PEPD: variants seen among roughly 807,000 people sequenced by gnomAD.
PEPD encodes peptidase D.
In PEPD, 53 loss-of-function variants were observed where a neutral mutation model predicts 60.7. The ratio of observed to expected loss-of-function variants is 0.87; its 90% confidence interval spans 0.70 to 1.10. The LOEUF (loss-of-function observed/expected upper bound fraction) is 1.10, where lower values mean the gene tolerates loss of function less well. Ranked by LOEUF, PEPD falls within the 50% of genes least tolerant of loss-of-function variation. PEPD has a pLI of 0.00. For missense variants in PEPD, 711 were observed against 711.9 expected, an observed-to-expected ratio of 1.00 and a Z score of 0.01; for synonymous variants, 267 against 284.1, an observed-to-expected ratio of 0.94 and a Z score of 0.60.
intron 1 of PEPD, among the ~76,000 whole-genome samples, chr19:33,519,370 C>T (rs1971087274): frequency 1.3e-5 from 2 of 152,214 alleles, no homozygotes; most frequent in Non-Finnish European, 2.9e-5. Context: ...ACCCCAGTCA[C>T]CTGGAACTCT....
Position 33,391,613 on chromosome 19 carries a change from T to TA in PEPD, c.968-135dup, listed in dbSNP as rs1968224033. The TA allele has an allele frequency of 3.6e-6, 3 of 822,300 alleles. No individual in the cohort carries two copies. In the Admixed American group the frequency reaches 6.1e-5, roughly 17 times the overall value. The allele number at this position is 822,300 out of a possible 1,614,324, so 50.9% of individuals were successfully genotyped here. A position where few individuals can be genotyped will look rare whatever the true frequency, so the allele number is the denominator to read the frequency against. On this transcript the variant is annotated intron_variant, in intron 12 of 14. Coordinates refer to ENST00000244137, the MANE Select transcript of PEPD (RefSeq NM_000285.4). ...GAGGTGGGGGGTGAGGGGGCAAGGG[T>TA]ACTACATCGGGGGCCCAGGGGGACA...
chr19:33,491,451 G>A (rs918410143), intron 5 of PEPD, among the ~76,000 whole-genome samples: 7 of 152,140 alleles, frequency 4.6e-5, no homozygotes, highest in African/African-American at 1.7e-4. Flanking sequence ...CTCCATGTTT[G>A]AAATGTTTGT....
chr19:33,518,573 C>T (rs1300507367), intron 1 of PEPD, among the ~76,000 whole-genome samples: 1 of 152,200 alleles, frequency 6.6e-6, no homozygotes, highest in African/African-American at 2.4e-5. Flanking sequence ...TTTCTTCATC[C>T]TACCCCTCGG....
chr19:33,511,711 C>T (rs1377410715), intron 2 of PEPD, among the ~76,000 whole-genome samples: 3 of 152,160 alleles, frequency 2.0e-5, no homozygotes, highest in African/African-American at 7.2e-5. Context: ...AGAAAGGGAG[C>T]CAACAGCTGA....
intron 6 of PEPD, among the ~76,000 whole-genome samples, chr19:33,485,483 A>G (rs1441057304): frequency 7.8e-6 from 1 of 127,464 alleles, no homozygotes; most frequent in Non-Finnish European, 1.7e-5. Context: ...ACAGAGCAAG[A>G]CTCTGTCTAA....
intron 4 of PEPD, among the ~76,000 whole-genome samples, chr19:33,494,076 C>G (rs903209243): frequency 6.6e-6 from 1 of 152,232 alleles, no homozygotes; most frequent in Non-Finnish European, 1.5e-5. Context: ...GCCCCACTGA[C>G]AGTCACCATT....
At position 33,445,968 on chromosome 19, in the gene PEPD, G is replaced by T. The variant is rs560318550; in HGVS notation, c.671+17027C>A. Among the ~76,000 whole-genome samples the T allele has an allele frequency of 9.5e-4, 145 of 152,294 alleles. 1 individual carries two copies. Among genetic ancestry groups the T allele is most frequent in the African/African-American group, 3.3e-3 (136 of 41,568 alleles). Reference sequence around the variant, plus strand: ...GAGAGAAATCCACGACCTCTAGCCTGCCTGCCCCTGCCCCCACCACCAAGG... The same window carrying T: ...GAGAGAAATCCACGACCTCTAGCCTTCCTGCCCCTGCCCCCACCACCAAGG... On this transcript the variant is annotated intron_variant, in intron 9 of 14. Coordinates refer to ENST00000244137, the MANE Select transcript of PEPD (RefSeq NM_000285.4).
intron 1 of PEPD, among the ~76,000 whole-genome samples, chr19:33,513,946 C>CTGCACAAATG (rs1555771547): frequency 6.6e-6 from 1 of 151,870 alleles, no homozygotes; most frequent in South Asian, 2.1e-4. Flanking sequence ...CCCACCCCAT[C>CTGCACAAATG]CCCCAGCTCT....
intron 9 of PEPD, among the ~76,000 whole-genome samples, chr19:33,431,476 C>G (rs2145396578): frequency 6.6e-6 from 1 of 152,304 alleles, no homozygotes; most frequent in African/African-American, 2.4e-5. Context: ...TTCATTCCGC[C>G]CAAGACAAAG....
rs531026097 is a variant in PEPD, at chr19:33,408,919, T to C, written c.818+2753A>G. On this transcript the variant is annotated intron_variant, in intron 11 of 14. Coordinates refer to ENST00000244137, the MANE Select transcript of PEPD (RefSeq NM_000285.4). ...GGCAGTAGCAGTAATCAACAAAACATGTTGTTCTAAATGCTGCATAATAAA... is the reference window on the plus strand; with the variant it reads ...GGCAGTAGCAGTAATCAACAAAACACGTTGTTCTAAATGCTGCATAATAAA... Among the ~76,000 whole-genome samples the C allele has an allele frequency of 8.9e-4, 136 of 152,320 alleles. 2 individuals are homozygous for C. The highest frequency in any genetic ancestry group is 3.0e-3 in the African/African-American group (123 of 41,568).
At chr19:33,513,256 G>A (rs1970962646) in intron 1 of PEPD, among the ~76,000 whole-genome samples, 1 of 152,040 alleles carries the variant, frequency 6.6e-6, no homozygotes, top group South Asian at 2.1e-4. Flanking sequence ...TTCCCTAACT[G>A]GCTCCCTCCC....
Position 33,466,781 on chromosome 19 carries a change from T to A in PEPD, c.549-2719A>T, listed in dbSNP as rs186441494. 7.1e-3 allele frequency among the ~76,000 whole-genome samples: 1,075 copies of A among 152,066 alleles called. 18 individuals carry two copies. Among genetic ancestry groups the A allele is most frequent in the African/African-American group, 0.025 (1,023 of 41,528 alleles). On this transcript the variant is annotated intron_variant, in intron 7 of 14. Transcript: ENST00000244137. ...TGAAAAAAAAAAAAGAAATAAAAATTTTTTTCTAATAAAAAAACCATTCTT... is the reference window on the plus strand; with the variant it reads ...TGAAAAAAAAAAAAGAAATAAAAATATTTTTCTAATAAAAAAACCATTCTT...
At chr19:33,449,605 A>C (rs1413015450) in intron 9 of PEPD, among the ~76,000 whole-genome samples, 3 of 152,176 alleles carry the variant, frequency 2.0e-5, no homozygotes, top group Admixed American at 2.0e-4. Flanking sequence ...ACATCATGAG[A>C]GGAAGCTAAC....
intron 6 of PEPD, among the ~76,000 whole-genome samples, chr19:33,481,577 A>T (rs1970314803): frequency 6.6e-6 from 1 of 152,198 alleles, no homozygotes; most frequent in Non-Finnish European, 1.5e-5. Flanking sequence ...AAAAACAAAA[A>T]AAAGAAAGAA....
chr19:33,411,338 C>T (rs1467338020), intron 11 of PEPD, among the ~76,000 whole-genome samples: 1 of 152,152 alleles, frequency 6.6e-6, no homozygotes, highest in Non-Finnish European at 1.5e-5. Flanking sequence ...AGCGTGGTGC[C>T]CCCTGAACGG....
intron 9 of PEPD, among the ~76,000 whole-genome samples, chr19:33,456,090 C>T (rs903866921): frequency 1.2e-4 from 18 of 152,188 alleles, no homozygotes; most frequent in African/African-American, 4.3e-4. Flanking sequence ...TCCTCAGTTA[C>T]TCCTAGAGGC....
intron 5 of PEPD, 53 bp downstream of exon 5, chr19:33,493,237 A>C: frequency 7.3e-7 from 1 of 1,363,470 alleles, no homozygotes. Flanking sequence ...GGCCCCCATA[A>C]AAACCCTCCC....
At chr19:33,446,807 C>T (rs7251442) in intron 9 of PEPD, among the ~76,000 whole-genome samples, 28,466 of 152,282 alleles carry the variant, frequency 0.19, 3,000 homozygotes, top group African/African-American at 0.25. Context: ...CCCAGGACCA[C>T]GGCTTTCCGA....
intron 7 of PEPD, among the ~76,000 whole-genome samples, chr19:33,470,012 C>T (rs1428306493): frequency 2.0e-5 from 3 of 151,946 alleles, no homozygotes; most frequent in African/African-American, 7.3e-5. Flanking sequence ...CCCCACCGTG[C>T]CCCCATCTCA....
Sources: allele counts gnomAD v4.1 joint callset (sites outside exome capture counted in the v4.1 genomes callset), GRCh38; gene constraint gnomAD v4.1.1; transcripts MANE v1.5; gene names NCBI Gene and HGNC (gene_info 2026-07-23, HGNC 2026-07-21).